RNF24: variants seen among roughly 807,000 people sequenced by gnomAD.
The protein encoded by RNF24 is ring finger protein 24.
RNF24 carries 14 observed loss-of-function variants against 20.0 expected under a neutral mutation model. That is an observed-to-expected ratio of 0.70 (90% CI 0.46 to 1.10). The LOEUF (loss-of-function observed/expected upper bound fraction) is 1.10. Ranked by LOEUF, RNF24 falls within the 50% of genes least tolerant of loss-of-function variation. The pLI is 0.00. For synonymous variants in RNF24, 45 were observed against 61.1 expected (o/e 0.74, Z 1.23); for missense variants, 124 against 177.6 (o/e 0.70, Z 1.71).
At position 3,931,936 on chromosome 20, in the gene RNF24, T is replaced by C. The variant is rs1412694834; in HGVS notation, c.*2127A>G. ...GAATTAACTTGCCTCTGTTCAAATA[T>C]ACAGACTTGGTGAGGCTGTCTTTTG... On this transcript the variant is annotated 3_prime_UTR_variant, in exon 6 of 6. Coordinates refer to ENST00000358395, the MANE Select transcript of RNF24 (RefSeq NM_001134337.3). 3.3e-5 allele frequency: 5 copies of C among 152,216 alleles called. No homozygotes were observed. Among genetic ancestry groups the C allele is most frequent in the South Asian group, 2.1e-4 (1 of 4,828 alleles). The allele number at this position is 152,216 out of a possible 1,614,324, so 9.4% of individuals were successfully genotyped here.
intron 1 of RNF24, among the ~76,000 whole-genome samples, chr20:3,977,990 A>G (rs933407226): frequency 2.6e-5 from 4 of 152,178 alleles, no homozygotes; most frequent in African/African-American, 9.7e-5. Flanking sequence ...ACAAAGAATA[A>G]GTTCTAGTAT....
intron 1 of RNF24, among the ~76,000 whole-genome samples, chr20:4,010,610 A>C (rs1982384238): frequency 6.6e-6 from 1 of 152,232 alleles, no homozygotes; most frequent in Non-Finnish European, 1.5e-5. Context: ...AATGCACCTG[A>C]CAGCCGTCAT....
At position 4,010,159 on chromosome 20, in the gene RNF24, G is replaced by A. The variant is rs189470923; in HGVS notation, c.-8+5278C>T. Among the ~76,000 whole-genome samples, 3 of 152,152 alleles carry A rather than the reference G, an allele frequency of 2.0e-5. No homozygotes were observed. The East Asian group carries it at 5.8e-4, about 29-fold the overall frequency. On this transcript the variant is annotated intron_variant, in intron 1 of 5. Transcript: ENST00000358395. ...GGAGGCTGAGGTAGGCAGATCACGA[G>A]GTCAGGATTTCGAGACCAGCCTGAC...
chr20:3,977,863 CAA>C (rs1244052901), intron 1 of RNF24, among the ~76,000 whole-genome samples: 9 of 47,426 alleles, frequency 1.9e-4, no homozygotes, highest in South Asian at 6.9e-4. Context: ...GACTCCGTCT[CAA>C]AAAAAAAAAA....
chr20:3,930,405 A>C lies in RNF24; in HGVS notation c.*3658T>G, dbSNP rs943655897. 4 of 152,122 alleles carry C rather than the reference A, an allele frequency of 2.6e-5. No individual in the cohort carries two copies. The highest frequency in any genetic ancestry group is 9.7e-5 in the African/African-American group (4 of 41,388). 9.4% of individuals were successfully genotyped at this position (152,122 alleles called of 1,614,324 possible). The stretch of plus-strand genomic sequence containing the variant: ...CAGAGGAGCCCATGTAACCCAGATG[A>C]TGTTATGTGGTATCAGCAGCCCCCA... On this transcript the variant is annotated 3_prime_UTR_variant, in exon 6 of 6. Coordinates refer to ENST00000358395, the MANE Select transcript of RNF24 (RefSeq NM_001134337.3).
At chr20:4,015,038 G>A (rs1230748613) in intron 1 of RNF24, 1 of 152,398 alleles carries the variant, frequency 6.6e-6, no homozygotes, top group Admixed American at 6.5e-5. Context: ...CGGGGGCAGC[G>A]TCCTCGCCAT....
chr20:3,967,973 CAAAA>C (rs58984163), intron 1 of RNF24, among the ~76,000 whole-genome samples: 1 of 77,162 alleles, frequency 1.3e-5, no homozygotes, highest in Non-Finnish European at 2.5e-5. Context: ...AGCCTGGCAA[CAAAA>C]AAAAAAAAAA....
Position 3,934,128 on chromosome 20 carries a change from A to T in RNF24, c.382T>A (p.Leu128Met). ...GGTCCACGGTCCTGCTTACTGTGCAACTGGGCCAGCTGTAGAACTGGCATG... is the reference window on the plus strand; with the variant it reads ...GGTCCACGGTCCTGCTTACTGTGCATCTGGGCCAGCTGTAGAACTGGCATG... ...CNMPVLQLAQ[L>M]HSKQDRGPPQ... The change falls in exon 6 of 6, where the codon TTG becomes ATG. Residue 128 changes from leucine (L) to methionine (M), a missense_variant. Coordinates refer to ENST00000358395, the MANE Select transcript of RNF24 (RefSeq NM_001134337.3). This position sits in a 1 kb window ranked among gnomAD's most constrained non-coding sequence, Gnocchi z 4.0. The T allele has an allele frequency of 1.3e-6, 2 of 1,582,806 alleles. No homozygotes were observed. Among genetic ancestry groups the T allele is most frequent in the South Asian group, 2.3e-5 (2 of 87,432 alleles).
chr20:3,946,243 G>C (rs891631910), intron 3 of RNF24, among the ~76,000 whole-genome samples: 3 of 152,134 alleles, frequency 2.0e-5, no homozygotes, highest in African/African-American at 7.2e-5. Context: ...GAGGTGGGCG[G>C]ACTGCTTGAT....
chr20:3,944,662 T>C (rs1354924413), intron 4 of RNF24, among the ~76,000 whole-genome samples: 1 of 152,222 alleles, frequency 6.6e-6, no homozygotes, highest in Non-Finnish European at 1.5e-5. Context: ...ACACCCAAGT[T>C]TGTACTTAAG....
At position 3,931,008 on chromosome 20, in the gene RNF24, G is replaced by A. The variant is rs1341883368; in HGVS notation, c.*3055C>T. ...GCCTAACCAAATCACACGTGGCAAAGAAAAGCAGCAGATGTCAACTTCCTA... is the reference window on the plus strand; with the variant it reads ...GCCTAACCAAATCACACGTGGCAAAAAAAAGCAGCAGATGTCAACTTCCTA... On this transcript the variant is annotated 3_prime_UTR_variant, in exon 6 of 6. Transcript: ENST00000358395. 1 of 152,256 alleles carries A rather than the reference G, an allele frequency of 6.6e-6. No homozygotes were observed. Among genetic ancestry groups the A allele is most frequent in the Non-Finnish European group, 1.5e-5 (1 of 68,062 alleles). The allele number at this position is 152,256 out of a possible 1,614,324, so 9.4% of individuals were successfully genotyped here. A position where few individuals can be genotyped will look rare whatever the true frequency, so the allele number is the denominator to read the frequency against.
At chr20:3,987,786 G>T (rs1221914695) in intron 1 of RNF24, among the ~76,000 whole-genome samples, 2 of 152,204 alleles carry the variant, frequency 1.3e-5, no homozygotes, top group Non-Finnish European at 2.9e-5. Flanking sequence ...CTTGGAAGGG[G>T]ATGAGTGGGA....
At chr20:3,994,642 T>TG (rs1156975466) in intron 1 of RNF24, among the ~76,000 whole-genome samples, 1 of 152,132 alleles carries the variant, frequency 6.6e-6, no homozygotes, top group African/African-American at 2.4e-5. Flanking sequence ...ACCAAACCCC[T>TG]GGGAAAGGTG....
intron 1 of RNF24, among the ~76,000 whole-genome samples, chr20:3,976,315 A>G (rs970625406): frequency 6.6e-6 from 1 of 152,282 alleles, no homozygotes; most frequent in Non-Finnish European, 1.5e-5. Context: ...AATTAAAGCC[A>G]CAATGAGAAA....
At chr20:3,964,365 T>G (rs2146990551) in intron 1 of RNF24, among the ~76,000 whole-genome samples, 1 of 152,328 alleles carries the variant, frequency 6.6e-6, no homozygotes. Flanking sequence ...TTAAGATTCT[T>G]CAAACTCTTT....
intron 1 of RNF24, among the ~76,000 whole-genome samples, chr20:4,008,369 ATTAT>A (rs1453404274): frequency 0.022 from 788 of 36,296 alleles, 12 homozygotes; most frequent in Non-Finnish European, 0.031. Context: ...TAATATATAT[ATTAT>A]ATATATAATA....
intron 1 of RNF24, among the ~76,000 whole-genome samples, chr20:3,968,178 G>T (rs1425379118): frequency 1.3e-5 from 2 of 151,956 alleles, no homozygotes; most frequent in Non-Finnish European, 2.9e-5. Context: ...GGTGGCGTGC[G>T]CCTGTAATCC....
chr20:4,013,882 T>A (rs1056140916), intron 1 of RNF24, among the ~76,000 whole-genome samples: 3 of 152,242 alleles, frequency 2.0e-5, no homozygotes, highest in African/African-American at 7.2e-5. Context: ...CTGAAAATCA[T>A]CATGCAACCA....
chr20:3,956,572 T>C (rs987159651), intron 2 of RNF24, among the ~76,000 whole-genome samples: 1 of 152,002 alleles, frequency 6.6e-6, no homozygotes, highest in Admixed American at 6.6e-5. Flanking sequence ...TCAATAATTT[T>C]TACTATTATA....
Sources: gnomAD v4.1 joint callset for allele counts (sites outside exome capture counted in the v4.1 genomes callset) on GRCh38, gnomAD v4.1.1 for gene constraint, Gnocchi (gnomAD v3.1) non-coding constraint, MANE v1.5 for transcripts, NCBI Gene and HGNC (gene_info 2026-07-23, HGNC 2026-07-21) for gene names.